Variants in PIEZO2 observed in about 807,000 individuals in gnomAD.
PIEZO2 encodes piezo-type mechanosensitive ion channel component 2.
PIEZO2 carries 172 observed loss-of-function variants against 337.3 expected under a neutral mutation model. The ratio of observed to expected loss-of-function variants is 0.51; its 90% confidence interval spans 0.45 to 0.58. The LOEUF (loss-of-function observed/expected upper bound fraction) is 0.58. Among genes scored for constraint, PIEZO2 ranks in the 20% least tolerant of loss-of-function variants. PIEZO2 has a pLI of 0.00. For missense variants in PIEZO2, 3,028 were observed against 3,391.3 expected (o/e 0.89, Z 2.66); for synonymous variants, 1,251 against 1,228.5 (o/e 1.02, Z -0.38).
intron 7 of PIEZO2, among the ~76,000 whole-genome samples, chr18:10,825,999 A>G (rs1375142436): frequency 1.3e-5 from 2 of 152,212 alleles, no homozygotes; most frequent in Non-Finnish European, 2.9e-5. Context: ...ATTTACTTAT[A>G]TCAATATAAA....
intron 48 of PIEZO2, 26 bp downstream of exon 48, chr18:10,691,199 G>A (rs1232318970): frequency 1.2e-6 from 2 of 1,606,166 alleles, no homozygotes; most frequent in Non-Finnish European, 1.7e-6. Flanking sequence ...CCCCATAAGT[G>A]ACTGTGACGT....
chr18:10,759,839 C>G lies in PIEZO2; in HGVS notation c.3521G>C (p.Trp1174Ser). ...GCGTCTATATAAGACAGCGATCAGC[C>G]AGCAGGCGTGGATCATGGCATAGAA... ...MDFYAMIHAC[W>S]LIAVLYRRRR... The change falls in exon 25 of 56, where the codon TGG becomes TCG. Residue 1174 changes from tryptophan to serine, a missense_variant. By Grantham distance (177) the Trp-to-Ser change is radical (BLOSUM62 -3). This residue lies in a region of PIEZO2 where 1,925 missense variants were observed against 2,051.9 expected (regional missense o/e 0.94). Coordinates refer to ENST00000674853, the MANE Select transcript of PIEZO2 (RefSeq NM_001378183.1). The surrounding 1 kb of genome is among the most constrained non-coding windows in gnomAD (Gnocchi z 5.5). 1 of 1,537,360 alleles carries G rather than the reference C, an allele frequency of 6.5e-7. No individual in the cohort carries two copies. Among genetic ancestry groups the G allele is most frequent in the Non-Finnish European group, 8.7e-7 (1 of 1,146,940 alleles).
At chr18:10,924,507 A>T (rs2031609431) in intron 3 of PIEZO2, among the ~76,000 whole-genome samples, 1 of 152,214 alleles carries the variant, frequency 6.6e-6, no homozygotes, top group Admixed American at 6.5e-5. Flanking sequence ...GGATTCTGTC[A>T]TTTGTGCAGA....
chr18:11,024,108 A>G (rs775699916), intron 2 of PIEZO2, among the ~76,000 whole-genome samples: 2 of 152,190 alleles, frequency 1.3e-5, no homozygotes, highest in African/African-American at 2.4e-5. Flanking sequence ...TGCAGCGGTG[A>G]GCTGAAGGGC....
intron 47 of PIEZO2, among the ~76,000 whole-genome samples, chr18:10,691,768 AAC>A (rs1339141004): frequency 1.3e-5 from 1 of 75,494 alleles, no homozygotes. Flanking sequence ...AATATATATA[AAC>A]ACACACACAC....
rs1424255319 is a variant in PIEZO2, at chr18:10,795,118, A to G, written c.1528-116T>C. 3 of 910,016 alleles carry G rather than the reference A, an allele frequency of 3.3e-6. No homozygotes were observed. The highest frequency in any genetic ancestry group is 1.7e-5 in the African/African-American group (1 of 60,036). 56.4% of individuals were successfully genotyped at this position (910,016 alleles called of 1,614,324 possible). On this transcript the variant is annotated intron_variant, in intron 12 of 55. Transcript: ENST00000674853. This position sits in a 1 kb window ranked among gnomAD's most constrained non-coding sequence, Gnocchi z 4.4. ...AGGTCATAATATTCAAACCAGGGAGAGTAGAGAGTTGTGGTGGAGTGATGG... is the reference window on the plus strand; with the variant it reads ...AGGTCATAATATTCAAACCAGGGAGGGTAGAGAGTTGTGGTGGAGTGATGG...
chr18:11,050,641 C>A (rs1234079373), intron 2 of PIEZO2, among the ~76,000 whole-genome samples: 3 of 151,934 alleles, frequency 2.0e-5, no homozygotes, highest in Non-Finnish European at 4.4e-5. Context: ...GTTTTTCTAT[C>A]TTCTAAGGAC....
At position 10,759,416 on chromosome 18, in the gene PIEZO2, C is replaced by T. The variant is rs1006521067; in HGVS notation, c.3757+66G>A. On this transcript the variant is annotated intron_variant, in intron 26 of 55. Coordinates refer to ENST00000674853, the MANE Select transcript of PIEZO2 (RefSeq NM_001378183.1). The surrounding 1 kb of genome is among the most constrained non-coding windows in gnomAD (Gnocchi z 5.5). ...AGACAAAAGGCACTAATGCATAGCACGTGAACAATGATTAACAGTAAACCC... is the reference window on the plus strand; with the variant it reads ...AGACAAAAGGCACTAATGCATAGCATGTGAACAATGATTAACAGTAAACCC... 20 of 1,357,042 alleles carry T rather than the reference C, an allele frequency of 1.5e-5. No individual in the cohort carries two copies. Among genetic ancestry groups the T allele is most frequent in the Middle Eastern group, 4.8e-4 (2 of 4,148 alleles). 84.1% of individuals were successfully genotyped at this position (1,357,042 alleles called of 1,614,324 possible).
intron 2 of PIEZO2, among the ~76,000 whole-genome samples, chr18:11,065,805 C>T (rs949456391): frequency 6.6e-6 from 1 of 152,192 alleles, no homozygotes; most frequent in Non-Finnish European, 1.5e-5. Flanking sequence ...CCAATGTTGT[C>T]ATGCCATTTG....
chr18:10,937,832 G>A (rs1301232441), intron 3 of PIEZO2, among the ~76,000 whole-genome samples: 2 of 152,168 alleles, frequency 1.3e-5, no homozygotes, highest in Non-Finnish European at 2.9e-5. Flanking sequence ...TGTTCTCATA[G>A]CCTTTGCCTG....
At chr18:10,981,603 G>A (rs1337349542) in intron 2 of PIEZO2, among the ~76,000 whole-genome samples, 1 of 152,164 alleles carries the variant, frequency 6.6e-6, no homozygotes, top group Non-Finnish European at 1.5e-5. Flanking sequence ...AATACTGAGT[G>A]TCAACTTGAT....
intron 7 of PIEZO2, among the ~76,000 whole-genome samples, chr18:10,812,654 C>G (rs2040232270): frequency 6.6e-6 from 1 of 152,114 alleles, no homozygotes; most frequent in South Asian, 2.1e-4. Flanking sequence ...TCTTTCGGCT[C>G]TGGGGGCCTC....
In PIEZO2 at chr18:10,828,539, G is replaced by A. The variant is rs1318945912; in HGVS notation, c.918-21265C>T. On this transcript the variant is annotated intron_variant, in intron 7 of 55. Transcript: ENST00000674853. The surrounding 1 kb of genome is among the most constrained non-coding windows in gnomAD (Gnocchi z 4.1). ...AAGTAGAAGGTAAAATATACATAAAGGTGTGAGTTCTAGGTGGATCATTGA... is the reference window on the plus strand; with the variant it reads ...AAGTAGAAGGTAAAATATACATAAAAGTGTGAGTTCTAGGTGGATCATTGA... Among the ~76,000 whole-genome samples, 1 of 152,124 alleles carries A rather than the reference G, an allele frequency of 6.6e-6. No homozygotes were observed. Among genetic ancestry groups the A allele is most frequent in the African/African-American group, 2.4e-5 (1 of 41,418 alleles).
At chr18:10,801,883 G>C (rs545806740) in intron 9 of PIEZO2, among the ~76,000 whole-genome samples, 1 of 151,970 alleles carries the variant, frequency 6.6e-6, no homozygotes, top group African/African-American at 2.4e-5. Flanking sequence ...CCAGGGGATC[G>C]AGACCATCCT....
chr18:10,835,875 C>A (rs1265914933), intron 7 of PIEZO2, among the ~76,000 whole-genome samples: 2 of 152,196 alleles, frequency 1.3e-5, no homozygotes, highest in African/African-American at 4.8e-5. Flanking sequence ...GTACTAAAGT[C>A]CAACTCTGAC....
At chr18:10,948,922 G>A (rs973662935) in intron 3 of PIEZO2, among the ~76,000 whole-genome samples, 1 of 152,028 alleles carries the variant, frequency 6.6e-6, no homozygotes, top group Non-Finnish European at 1.5e-5. Context: ...AGGGTGTTAC[G>A]GCCTGTTTAT....
intron 47 of PIEZO2, among the ~76,000 whole-genome samples, chr18:10,692,479 CT>C (rs1244986450): frequency 6.6e-6 from 1 of 151,096 alleles, no homozygotes; most frequent in Non-Finnish European, 1.5e-5. Context: ...CCCTCCCTCC[CT>C]CCCTTCTTTC....
chr18:10,800,498 G>T, intron 10 of PIEZO2, 23 bp from the exon 11 acceptor site: 1 of 1,516,792 alleles, frequency 6.6e-7, no homozygotes, highest in Non-Finnish European at 8.8e-7. Flanking sequence ...CAGAGAAAGG[G>T]ACAACTGTTA....
intron 2 of PIEZO2, among the ~76,000 whole-genome samples, chr18:10,983,396 C>A (rs2145505974): frequency 6.6e-6 from 1 of 152,260 alleles, no homozygotes; most frequent in South Asian, 2.1e-4. Context: ...CAAGGTGGCA[C>A]AACTTGGTAT....
Sources: gnomAD v4.1 joint callset for allele counts (sites outside exome capture counted in the v4.1 genomes callset) on GRCh38, gnomAD v4.1.1 for gene constraint, gnomAD v4.1.1 regional missense constraint, Gnocchi (gnomAD v3.1) non-coding constraint, MANE v1.5 for transcripts, NCBI Gene and HGNC (gene_info 2026-07-23, HGNC 2026-07-21) for gene names.